The following TSHZ2 variants were observed in gnomAD, a reference collection of about 807,000 sequenced individuals.
TSHZ2 encodes the protein teashirt zinc finger homeobox 2.
In TSHZ2, 21 loss-of-function variants were observed where a neutral mutation model predicts 74.4. The ratio of observed to expected loss-of-function variants is 0.28; its 90% CI spans 0.20 to 0.41. The LOEUF (loss-of-function observed/expected upper bound fraction) is 0.41. Among genes scored for constraint, TSHZ2 ranks in the 10% least tolerant of loss-of-function variants. TSHZ2 has a pLI of 1.00. For synonymous variants in TSHZ2, 540 were observed against 515.3 expected (o/e 1.05, Z -0.65); for missense variants, 1,244 against 1,293.5 (o/e 0.96, Z 0.59).
chr20:52,973,585 A>G (rs1276078160), intron 1 of TSHZ2, among the ~76,000 whole-genome samples: 3 of 150,558 alleles, frequency 2.0e-5, no homozygotes, highest in Non-Finnish European at 4.4e-5. Flanking sequence ...TCCACCCTCT[A>G]CCCCACCCCT....
chr20:53,239,834 A>G (rs1990024329), intron 1 of TSHZ2, among the ~76,000 whole-genome samples: 1 of 152,208 alleles, frequency 6.6e-6, no homozygotes, highest in Non-Finnish European at 1.5e-5. Context: ...CATGAAAAAT[A>G]TCAGGGCACA....
chr20:53,273,558 G>A (rs1026428090), intron 2 of TSHZ2, among the ~76,000 whole-genome samples: 10 of 152,152 alleles, frequency 6.6e-5, no homozygotes, highest in African/African-American at 2.4e-4. Flanking sequence ...CAAAGTGCTG[G>A]GATTATAGGA....
intron 2 of TSHZ2, among the ~76,000 whole-genome samples, chr20:53,328,690 G>A (rs1330634192): frequency 6.6e-6 from 1 of 152,112 alleles, no homozygotes; most frequent in East Asian, 1.9e-4. Context: ...CCCAGTGGTT[G>A]CCAGGAAGCT....
intron 1 of TSHZ2, among the ~76,000 whole-genome samples, chr20:52,986,540 C>T (rs1431583159): frequency 6.6e-6 from 1 of 151,872 alleles, no homozygotes; most frequent in Non-Finnish European, 1.5e-5. Flanking sequence ...ACCAGCCTGG[C>T]CAAGATGATG....
intron 2 of TSHZ2, among the ~76,000 whole-genome samples, chr20:53,365,463 G>T (rs955985476): frequency 2.0e-5 from 3 of 152,162 alleles, no homozygotes; most frequent in Admixed American, 6.5e-5. Context: ...GGGGATGGGG[G>T]AGGTCATACT....
intron 1 of TSHZ2, among the ~76,000 whole-genome samples, chr20:53,170,401 CA>C (rs1988170740): frequency 6.6e-6 from 1 of 152,204 alleles, no homozygotes; most frequent in African/African-American, 2.4e-5. Flanking sequence ...AAGCGTATGC[CA>C]AAATCTGAGT....
chr20:53,175,447 G>T (rs375175383), intron 1 of TSHZ2, among the ~76,000 whole-genome samples: 13 of 152,054 alleles, frequency 8.5e-5, no homozygotes, highest in African/African-American at 2.9e-4. Flanking sequence ...GGCCCCCTGG[G>T]CGTTTTTTTC....
intron 2 of TSHZ2, among the ~76,000 whole-genome samples, chr20:53,480,451 C>G (rs1986119559): frequency 6.6e-6 from 1 of 151,718 alleles, no homozygotes; most frequent in Non-Finnish European, 1.5e-5. Context: ...CCTGTAGTAC[C>G]AGCTACTCAG....
intron 1 of TSHZ2, among the ~76,000 whole-genome samples, chr20:53,019,498 G>GGGAGT (rs372110362): frequency 2.0e-5 from 3 of 152,250 alleles, no homozygotes; most frequent in Non-Finnish European, 2.9e-5. Flanking sequence ...ACTGAGGAAA[G>GGGAGT]GGAGTGGTAT....
At chr20:53,231,430 A>T (rs765349336) in intron 1 of TSHZ2, among the ~76,000 whole-genome samples, 2 of 152,232 alleles carry the variant, frequency 1.3e-5, no homozygotes, top group Non-Finnish European at 2.9e-5. Flanking sequence ...CAAAGTCAAC[A>T]TTAGTTCATT....
chr20:53,113,227 T>C (rs1342538332), intron 1 of TSHZ2, among the ~76,000 whole-genome samples: 1 of 152,248 alleles, frequency 6.6e-6, no homozygotes, highest in African/African-American at 2.4e-5. Context: ...AGACCTGACA[T>C]ATACTGAGAA....
chr20:53,324,187 A>T (rs1017954280), intron 2 of TSHZ2, among the ~76,000 whole-genome samples: 1 of 151,946 alleles, frequency 6.6e-6, no homozygotes, highest in African/African-American at 2.4e-5. Flanking sequence ...CAGTGGCGGG[A>T]TGCTCGGGTC....
At chr20:53,393,022 G>T (rs1982317476) in intron 2 of TSHZ2, among the ~76,000 whole-genome samples, 1 of 151,994 alleles carries the variant, frequency 6.6e-6, no homozygotes, top group South Asian at 2.1e-4. Flanking sequence ...TAGTAGAGAG[G>T]TTTCACCATG....
chr20:53,122,293 AAAAAAAAAAAG>A (rs940436389), intron 1 of TSHZ2, among the ~76,000 whole-genome samples: 14 of 142,730 alleles, frequency 9.8e-5, no homozygotes, highest in African/African-American at 3.4e-4. Flanking sequence ...ATCTACAAAA[AAAAAAAAAAAG>A]AAAGAAAACA....
Position 53,273,074 on chromosome 20 carries a change from CAG to C in TSHZ2, c.*8+16507_*8+16508del, listed in dbSNP as rs377396586. On this transcript the variant is annotated intron_variant, in intron 2 of 2. Transcript: ENST00000371497. ...AGGAGCAGGGCTGATATGTTTGATT[CAG>C]AGAAAGGCCGGAGTGTCATGAGCTG... Among the ~76,000 whole-genome samples the C allele has an allele frequency of 5.1e-4, 77 of 152,304 alleles. No individual in the cohort carries two copies. In the South Asian group the frequency reaches 0.015, roughly 30 times the overall value.
intron 1 of TSHZ2, among the ~76,000 whole-genome samples, chr20:52,979,192 T>C (rs1438702276): frequency 6.6e-6 from 1 of 152,204 alleles, no homozygotes; most frequent in African/African-American, 2.4e-5. Flanking sequence ...TTCTTTTTTT[T>C]TTCCTCCTAC....
chr20:53,035,332 G>A (rs1468091079), intron 1 of TSHZ2, among the ~76,000 whole-genome samples: 1 of 152,176 alleles, frequency 6.6e-6, no homozygotes, highest in Non-Finnish European at 1.5e-5. Flanking sequence ...AATCAGCAGT[G>A]GTTCAAGGGA....
intron 1 of TSHZ2, among the ~76,000 whole-genome samples, chr20:53,198,820 A>C (rs376321512): frequency 3.3e-5 from 5 of 152,210 alleles, no homozygotes; most frequent in African/African-American, 1.2e-4. Flanking sequence ...GGGCATGTTA[A>C]GGCTTGAACT....
chr20:53,255,400 C>G lies in TSHZ2; in HGVS notation c.1942C>G (p.Leu648Val). 5.0e-6 allele frequency: 8 copies of G among 1,613,736 alleles called. No homozygotes were observed. The highest frequency in any genetic ancestry group is 6.8e-6 in the Non-Finnish European group (8 of 1,180,014). Residue 648 changes from leucine to valine, a missense_variant, in exon 2 of 3, where the codon CTG becomes GTG. This residue lies in a region of TSHZ2 where 562 missense variants were observed against 544.0 expected (regional missense o/e 1.03). Transcript: ENST00000371497. This position sits in a 1 kb window ranked among gnomAD's most constrained non-coding sequence, Gnocchi z 4.1. ...ACCTCCAGAAGCCAAAAAGACCGAG[C>G]TGGGTCCCCTGAAGGAGGAGGAGAA... ...ETPPEAKKTE[L>V]GPLKEEEKLM...
Sources: gnomAD v4.1 joint callset for allele counts (sites outside exome capture counted in the v4.1 genomes callset) on GRCh38, gnomAD v4.1.1 for gene constraint, gnomAD v4.1.1 regional missense constraint, Gnocchi (gnomAD v3.1) non-coding constraint, MANE v1.5 for transcripts, NCBI Gene and HGNC (gene_info 2026-07-23, HGNC 2026-07-21) for gene names.